Variants in INPP5D observed in about 807,000 individuals in gnomAD.
INPP5D encodes the protein inositol polyphosphate-5-phosphatase D.
In INPP5D, 33 loss-of-function variants were observed where a neutral mutation model predicts 122.9. The observed-to-expected ratio is 0.27, with a 90% CI of 0.20 to 0.36. INPP5D has a LOEUF of 0.36. Ranked by LOEUF, INPP5D falls within the 10% of genes least tolerant of loss-of-function variation. The pLI is 1.00. For missense variants in INPP5D, 1,053 were observed against 1,412.7 expected (o/e 0.75, Z 4.08); for synonymous variants, 584 against 576.2 (o/e 1.01, Z -0.19).
At chr2:233,133,652 G>T (rs1029188765) in intron 5 of INPP5D, among the ~76,000 whole-genome samples, 2 of 152,150 alleles carry the variant, frequency 1.3e-5, no homozygotes, top group Non-Finnish European at 2.9e-5. Flanking sequence ...AAATTTCACT[G>T]GGTGTCCTGT....
rs571998439 is a variant in INPP5D at position 233,156,586 on chromosome 2, C to T, written c.1031-1727C>T. On this transcript the variant is annotated intron_variant, in intron 9 of 26. Transcript: ENST00000445964. ...CTAGGATTACAGGCATGAGCCACCG[C>T]GCCTGGCCCACGCTTCCTTCTAAGT... Among the ~76,000 whole-genome samples the T allele has an allele frequency of 8.9e-4, 136 of 152,278 alleles. 1 individual carries two copies. The Middle Eastern group carries it at 0.014, about 15-fold the overall frequency.
At chr2:233,115,608 C>G (rs1364755890) in intron 2 of INPP5D, among the ~76,000 whole-genome samples, 1 of 152,134 alleles carries the variant, frequency 6.6e-6, no homozygotes, top group Non-Finnish European at 1.5e-5. Context: ...TTGCCCTGTA[C>G]CTTCCCCAGG....
At chr2:233,145,967 A>C in intron 6 of INPP5D, 195 bp from the exon 7 acceptor site, 1 of 698,338 alleles carries the variant, frequency 1.4e-6, no homozygotes, top group Admixed American at 2.0e-5. Context: ...ATGAAGATCT[A>C]TTTTTTGGCC....
chr2:233,109,561 G>T (rs192174128), intron 2 of INPP5D, among the ~76,000 whole-genome samples: 9,678 of 152,084 alleles, frequency 0.064, 574 homozygotes, highest in African/African-American at 0.15. Flanking sequence ...AGGCAAGATG[G>T]TTTTTTTCTT....
intron 1 of INPP5D, among the ~76,000 whole-genome samples, chr2:233,063,875 A>C (rs1206982791): frequency 6.6e-6 from 1 of 152,060 alleles, no homozygotes; most frequent in Non-Finnish European, 1.5e-5. Context: ...CTCCGGGGGG[A>C]GTCTGTGGGT....
At chr2:233,148,140 A>G (rs568372750) in intron 9 of INPP5D, among the ~76,000 whole-genome samples, 1 of 152,380 alleles carries the variant, frequency 6.6e-6, no homozygotes, top group East Asian at 1.9e-4. Flanking sequence ...TCTTCACACA[A>G]CAAATGCATA....
chr2:233,139,505 T>TGTGTGTGTGTG (rs1574759280), intron 5 of INPP5D, among the ~76,000 whole-genome samples: 4 of 145,230 alleles, frequency 2.8e-5, no homozygotes, highest in African/African-American at 7.7e-5. Flanking sequence ...TGTGTGTGTG[T>TGTGTGTGTGTG]TTTATAAACA....
At chr2:233,103,415 A>G (rs182676320) in intron 2 of INPP5D, among the ~76,000 whole-genome samples, 2 of 152,336 alleles carry the variant, frequency 1.3e-5, no homozygotes, top group South Asian at 2.1e-4. Flanking sequence ...TCCAGCACAG[A>G]TGTTGAGAGA....
chr2:233,112,245 G>A (rs980698694), intron 2 of INPP5D, among the ~76,000 whole-genome samples: 2 of 152,076 alleles, frequency 1.3e-5, no homozygotes, highest in African/African-American at 2.4e-5. Flanking sequence ...GGGAGGAGCC[G>A]TCCCTTCTCC....
chr2:233,188,803 T>A lies in INPP5D; in HGVS notation c.2359-1047T>A, dbSNP rs1694982140. ...GTCTTGAACTCCTGACCTCAAGTGATCCACCCACCTCGGCCTCCCAAAGTG... is the reference window on the plus strand; with the variant it reads ...GTCTTGAACTCCTGACCTCAAGTGAACCACCCACCTCGGCCTCCCAAAGTG... On this transcript the variant is annotated intron_variant, in intron 21 of 26. Coordinates refer to ENST00000445964, the MANE Select transcript of INPP5D (RefSeq NM_001017915.3). This position sits in a 1 kb window ranked among gnomAD's most constrained non-coding sequence, Gnocchi z 4.7. Among the ~76,000 whole-genome samples the A allele has an allele frequency of 6.6e-6, 1 of 152,104 alleles. No homozygotes were observed.
intron 6 of INPP5D, among the ~76,000 whole-genome samples, chr2:233,145,066 TTC>T (rs1334965004): frequency 6.6e-6 from 1 of 152,156 alleles, no homozygotes; most frequent in African/African-American, 2.4e-5. Flanking sequence ...GTGTCTGATT[TTC>T]TCATTCCACT....
intron 10 of INPP5D, among the ~76,000 whole-genome samples, chr2:233,161,022 G>A (rs1694185197): frequency 6.6e-6 from 1 of 152,104 alleles, no homozygotes; most frequent in African/African-American, 2.4e-5. Flanking sequence ...GTGGCCACCT[G>A]TCCTTGTTGG....
chr2:233,164,851 C>A lies in INPP5D; in HGVS notation c.1555+427C>A, dbSNP rs1439970686. On this transcript the variant is annotated intron_variant, in intron 13 of 26. Coordinates refer to ENST00000445964, the MANE Select transcript of INPP5D (RefSeq NM_001017915.3). The surrounding 1 kb of genome is among the most constrained non-coding windows in gnomAD (Gnocchi z 4.3). ...GGCCACTCAACACTATTCCTCTCTG[C>A]CTTTCTGGTGGGAAAGCAGCCATAG... Among the ~76,000 whole-genome samples, 1 of 152,202 alleles carries A rather than the reference C, an allele frequency of 6.6e-6. No homozygotes were observed. Among genetic ancestry groups the A allele is most frequent in the Non-Finnish European group, 1.5e-5 (1 of 68,046 alleles).
intron 8 of INPP5D, among the ~76,000 whole-genome samples, chr2:233,147,199 C>T (rs780515208): frequency 1.3e-5 from 2 of 152,160 alleles, no homozygotes; most frequent in Non-Finnish European, 2.9e-5. Context: ...GAACCATTTC[C>T]AGCAATTCGT....
intron 17 of INPP5D, among the ~76,000 whole-genome samples, chr2:233,176,385 GTGGA>G (rs1694630957): frequency 2.2e-3 from 8 of 3,578 alleles, no homozygotes; most frequent in Admixed American, 2.9e-3. Context: ...GGGTGGGTGG[GTGGA>G]TGGATGGATG....
At chr2:233,070,799 C>G (rs115169685) in intron 1 of INPP5D, among the ~76,000 whole-genome samples, 1,537 of 152,218 alleles carry the variant, frequency 0.01, 34 homozygotes, top group African/African-American at 0.035. Flanking sequence ...AAAACCAGTG[C>G]TAAGAATACC....
At chr2:233,169,858 A>G in intron 14 of INPP5D, 168 bp from the exon 15 acceptor site, 4 of 1,319,572 alleles carry the variant, frequency 3.0e-6, no homozygotes, top group South Asian at 1.4e-5. Flanking sequence ...TGGCTGTGCC[A>G]TATTTGCACA....
chr2:233,112,305 T>G (rs541096431), intron 2 of INPP5D, among the ~76,000 whole-genome samples: 5 of 152,360 alleles, frequency 3.3e-5, no homozygotes, highest in African/African-American at 1.2e-4. Flanking sequence ...TTCGATGGAT[T>G]ATAATTATTT....
chr2:233,102,869 CA>C (rs1041744645), intron 2 of INPP5D, among the ~76,000 whole-genome samples: 4 of 145,902 alleles, frequency 2.7e-5, no homozygotes, highest in Non-Finnish European at 6.0e-5. Flanking sequence ...AAAAAACAAC[CA>C]AAAAACCACA....
Sources: allele counts gnomAD v4.1 joint callset (sites outside exome capture counted in the v4.1 genomes callset), GRCh38; gene constraint gnomAD v4.1.1; non-coding constraint Gnocchi (gnomAD v3.1); transcripts MANE v1.5; gene names NCBI Gene and HGNC (gene_info 2026-07-23, HGNC 2026-07-21).